TNFAIP3: variants seen among roughly 807,000 people sequenced by gnomAD.
The protein encoded by TNFAIP3 is tumor necrosis factor alpha-induced protein 3.
A neutral mutation model predicts 72.4 loss-of-function variants in TNFAIP3; 9 were observed. The observed-to-expected ratio is 0.12, with a 90% CI of 0.07 to 0.22. The LOEUF (loss-of-function observed/expected upper bound fraction) is 0.22. TNFAIP3 is among the 10% of genes least tolerant of loss of function. TNFAIP3 has a pLI of 1.00. For missense variants in TNFAIP3, 833 were observed against 1,018.7 expected, an observed-to-expected ratio of 0.82 and a Z score of 2.48; for synonymous variants, 339 against 372.6, an observed-to-expected ratio of 0.91 and a Z score of 1.04.
At chr6:137,876,437 G>A (rs1042221098) in intron 5 of TNFAIP3, among the ~76,000 whole-genome samples, 2 of 152,124 alleles carry the variant, frequency 1.3e-5, no homozygotes, top group Non-Finnish European at 2.9e-5. Flanking sequence ...GCAAGTAAAC[G>A]CCTGTCAGGT....
rs371258341 is a variant in TNFAIP3, at chr6:137,878,587, C to T, written c.1142C>T (p.Ser381Phe). 1.1e-5 allele frequency: 17 copies of T among 1,614,144 alleles called. No individual in the cohort carries two copies. The highest frequency in any genetic ancestry group is 1.4e-5 in the Non-Finnish European group (17 of 1,180,048). The change falls in exon 7 of 9, where the codon TCT becomes TTT. Residue 381 changes from serine to phenylalanine, a missense_variant. This residue lies in a region of TNFAIP3 where 587 missense variants were observed against 657.8 expected (regional missense o/e 0.89). Transcript: ENST00000612899. The part of the protein sequence containing the change: ...NPMEPSVPQL[S>F]LMDVKCETPN... Reference sequence around the variant, plus strand: ...ATGGAACCTTCCGTGCCCCAGCTTTCTCTCATGGATGTAAAATGTGAAACG... The same window carrying T: ...ATGGAACCTTCCGTGCCCCAGCTTTTTCTCATGGATGTAAAATGTGAAACG...
chr6:137,867,368 C>T lies in TNFAIP3; in HGVS notation c.-190C>T. ...ACCCCCAGCCGACCCTGCCAGCGAGCGAGCCCGACCCCAGGCGTCCATGGA... is the reference window on the plus strand; with the variant it reads ...ACCCCCAGCCGACCCTGCCAGCGAGTGAGCCCGACCCCAGGCGTCCATGGA... On this transcript the variant is annotated 5_prime_UTR_variant, in exon 1 of 9. Coordinates refer to ENST00000612899, the MANE Select transcript of TNFAIP3 (RefSeq NM_001270508.2). The surrounding 1 kb of genome is among the most constrained non-coding windows in gnomAD (Gnocchi z 6.0). 6.5e-6 allele frequency: 1 copy of T among 152,720 alleles called. No homozygotes were observed. Among genetic ancestry groups the T allele is most frequent in the East Asian group, 1.9e-4 (1 of 5,276 alleles). The allele number at this position is 152,720 out of a possible 1,614,324, so 9.5% of individuals were successfully genotyped here.
intron 1 of TNFAIP3, among the ~76,000 whole-genome samples, chr6:137,870,842 C>T (rs1225531232): frequency 6.6e-6 from 1 of 152,160 alleles, no homozygotes; most frequent in Non-Finnish European, 1.5e-5. Context: ...CAGTGCTGTT[C>T]AGGGTGGCCT....
At position 137,871,666 on chromosome 6, in the gene TNFAIP3, T is replaced by G; in HGVS notation, c.295+144T>G. 1 of 896,030 alleles carries G rather than the reference T, an allele frequency of 1.1e-6. No homozygotes were observed. Among genetic ancestry groups the G allele is most frequent in the African/African-American group, 1.7e-5 (1 of 59,440 alleles). The allele number at this position is 896,030 out of a possible 1,614,324, so 55.5% of individuals were successfully genotyped here. On this transcript the variant is annotated intron_variant, in intron 2 of 8. Transcript: ENST00000612899. The surrounding 1 kb of genome is among the most constrained non-coding windows in gnomAD (Gnocchi z 4.2). Reference sequence around the variant, plus strand: ...TGAGACCTTTATATAGAATCTCTATTCGGGGTATGTGATAATAGCAGACTT... The same window carrying G: ...TGAGACCTTTATATAGAATCTCTATGCGGGGTATGTGATAATAGCAGACTT...
intron 2 of TNFAIP3, among the ~76,000 whole-genome samples, chr6:137,872,632 A>G (rs967736178): frequency 4.6e-5 from 7 of 152,200 alleles, no homozygotes; most frequent in African/African-American, 1.7e-4. Context: ...ACATTACCCC[A>G]ACGTCTTGCC....
chr6:137,879,939 C>CAT (rs939473509), intron 7 of TNFAIP3, 132 bp from the exon 8 acceptor site: 5 of 669,480 alleles, frequency 7.5e-6, no homozygotes, highest in South Asian at 4.2e-5. Flanking sequence ...TAAACATATA[C>CAT]ATATATATAT....
chr6:137,876,535 C>A (rs1195194175), intron 5 of TNFAIP3, among the ~76,000 whole-genome samples: 1 of 152,164 alleles, frequency 6.6e-6, no homozygotes, highest in East Asian at 1.9e-4. Context: ...AGCCTCCACC[C>A]CCTGGGCTCA....
intron 6 of TNFAIP3, 26 bp from the exon 7 acceptor site, chr6:137,878,406 A>G: frequency 6.4e-7 from 1 of 1,572,910 alleles, no homozygotes; most frequent in Admixed American, 1.8e-5. Context: ...GTATTCTCAT[A>G]CATATTTTTT....
chr6:137,874,786 C>G, intron 2 of TNFAIP3, 59 bp from the exon 3 acceptor site: 1 of 1,549,952 alleles, frequency 6.5e-7, no homozygotes, highest in Non-Finnish European at 8.8e-7. Flanking sequence ...AAAACCTTTG[C>G]TGGGTCTTAC....
upstream of TNFAIP3, chr6:137,867,115 G>T (rs1031225763): frequency 6.6e-6 from 1 of 151,138 alleles, no homozygotes; most frequent in Admixed American, 6.6e-5. The surrounding 1 kb of genome is among the most constrained non-coding windows in gnomAD (Gnocchi z 6.0). Context: ...GAGGCCGCGC[G>T]CGCCCCTCGC....
rs1221172736 is a variant in TNFAIP3, at chr6:137,871,034, C to T, written c.-15-179C>T. Among the ~76,000 whole-genome samples, 1 of 152,124 alleles carries T rather than the reference C, an allele frequency of 6.6e-6. No homozygotes were observed. The highest frequency in any genetic ancestry group is 1.5e-5 in the Non-Finnish European group (1 of 68,024). ...TAAAGTGATGTAACTTAAAACAGTC[C>T]AGTGTGAGTTAATCTCTGGGGCCAG... On this transcript the variant is annotated intron_variant, in intron 1 of 8. Transcript: ENST00000612899. This position sits in a 1 kb window ranked among gnomAD's most constrained non-coding sequence, Gnocchi z 4.2.
At chr6:137,874,407 T>A (rs1179775229) in intron 2 of TNFAIP3, among the ~76,000 whole-genome samples, 1 of 152,208 alleles carries the variant, frequency 6.6e-6, no homozygotes, top group Non-Finnish European at 1.5e-5. Flanking sequence ...TGTTGCCCTG[T>A]GTGCTCCTCC....
At chr6:137,870,679 A>G (rs940479833) in intron 1 of TNFAIP3, among the ~76,000 whole-genome samples, 14 of 152,230 alleles carry the variant, frequency 9.2e-5, no homozygotes, top group Non-Finnish European at 1.8e-4. Flanking sequence ...GATTTTTCAT[A>G]AAGTATTTTA....
chr6:137,870,006 G>C (rs750856901), intron 1 of TNFAIP3, among the ~76,000 whole-genome samples: 2 of 152,180 alleles, frequency 1.3e-5, no homozygotes, highest in Non-Finnish European at 2.9e-5. Context: ...TGCGCTGTTG[G>C]CATGGGTTGT....
Sources: allele counts gnomAD v4.1 joint callset (sites outside exome capture counted in the v4.1 genomes callset), GRCh38; gene constraint gnomAD v4.1.1; regional missense constraint gnomAD v4.1.1; non-coding constraint Gnocchi (gnomAD v3.1); transcripts MANE v1.5; gene names NCBI Gene and HGNC (gene_info 2026-07-23, HGNC 2026-07-21).